The following PDE4D variants were observed in gnomAD, a reference collection of about 807,000 sequenced individuals.
The protein encoded by PDE4D is 3',5'-cyclic-AMP phosphodiesterase 4D.
A neutral mutation model predicts 87.4 loss-of-function variants in PDE4D; 24 were observed. The ratio of observed to expected loss-of-function variants is 0.27; its 90% CI spans 0.20 to 0.39. The LOEUF is 0.39. Among genes scored for constraint, PDE4D ranks in the 10% least tolerant of loss-of-function variants. The probability of loss-of-function intolerance (pLI) is 1.00; values close to 1 mark genes in which losing one functional copy is unlikely to be tolerated. For synonymous variants in PDE4D, 384 were observed against 383.2 expected (o/e 1.00, Z -0.02); for missense variants, 714 against 1,041.0 (o/e 0.69, Z 4.32).
At chr5:59,884,852 T>A (rs1317388201) in intron 1 of PDE4D, among the ~76,000 whole-genome samples, 1 of 146,360 alleles carries the variant, frequency 6.8e-6, no homozygotes, top group Non-Finnish European at 1.5e-5. Context: ...AAATGATAGA[T>A]GAAAAATTGT....
intron 2 of PDE4D, chr5:60,022,513 T>C (rs1766173192): frequency 1.3e-5 from 2 of 152,168 alleles, no homozygotes; most frequent in Non-Finnish European, 2.9e-5. Flanking sequence ...GCTCTAACTT[T>C]TTTGCTATAC....
chr5:59,424,993 C>T (rs1364943237), intron 1 of PDE4D, among the ~76,000 whole-genome samples: 2 of 152,144 alleles, frequency 1.3e-5, no homozygotes, highest in African/African-American at 4.8e-5. Context: ...TAGTCTGGAG[C>T]TACAATAATG....
intron 1 of PDE4D, among the ~76,000 whole-genome samples, chr5:59,870,707 C>A (rs1747700913): frequency 6.6e-6 from 1 of 152,156 alleles, no homozygotes; most frequent in Non-Finnish European, 1.5e-5. Context: ...TTTGGGATCA[C>A]AAACGATTTG....
Position 59,375,628 on chromosome 5 carries a change from A to G in PDE4D, c.456-159660T>C, listed in dbSNP as rs116760661. ...AGATGTACAAAGAAGAGATGGTACC[A>G]TTCCTGCTGAAACTATTCCCCAAAA... On this transcript the variant is annotated intron_variant, in intron 1 of 14. Coordinates refer to ENST00000340635, the MANE Select transcript of PDE4D (RefSeq NM_001104631.2). Among the ~76,000 whole-genome samples, 826 of 152,332 alleles carry G rather than the reference A, an allele frequency of 5.4e-3. 12 individuals carry two copies. The highest frequency in any genetic ancestry group is 0.019 in the African/African-American group (790 of 41,584).
At chr5:59,758,336 T>A (rs1251424113) in intron 1 of PDE4D, among the ~76,000 whole-genome samples, 1 of 152,222 alleles carries the variant, frequency 6.6e-6, no homozygotes, top group African/African-American at 2.4e-5. Flanking sequence ...ATCATTGACG[T>A]CTATGTTATA....
At chr5:60,238,629 G>A (rs1746701956) in intron 1 of PDE4D, among the ~76,000 whole-genome samples, 1 of 151,716 alleles carries the variant, frequency 6.6e-6, no homozygotes, top group Non-Finnish European at 1.5e-5. Flanking sequence ...GCAAATATTT[G>A]TGTGTTTATC....
At chr5:60,337,546 T>C (rs1225747559) in intron 1 of PDE4D, among the ~76,000 whole-genome samples, 1 of 151,516 alleles carries the variant, frequency 6.6e-6, no homozygotes, top group Admixed American at 6.6e-5. Flanking sequence ...CATGACTATA[T>C]GCATCTGTCA....
chr5:59,519,794 A>G (rs1220301055), intron 1 of PDE4D, among the ~76,000 whole-genome samples: 1 of 152,212 alleles, frequency 6.6e-6, no homozygotes, highest in African/African-American at 2.4e-5. Flanking sequence ...AAAACTGGTT[A>G]GGAGGGTATT....
intron 1 of PDE4D, among the ~76,000 whole-genome samples, chr5:59,296,242 T>C (rs1769066741): frequency 6.6e-6 from 1 of 151,942 alleles, no homozygotes; most frequent in Admixed American, 6.6e-5. Flanking sequence ...ATTTACTTTA[T>C]ATTTTAATAT....
At chr5:60,145,230 G>A (rs1480479193) in intron 2 of PDE4D, among the ~76,000 whole-genome samples, 1 of 152,132 alleles carries the variant, frequency 6.6e-6, no homozygotes, top group African/African-American at 2.4e-5. Context: ...GTTTAAAGAA[G>A]TTAATATATT....
At chr5:59,480,312 T>A (rs1804033592) in intron 1 of PDE4D, among the ~76,000 whole-genome samples, 1 of 152,130 alleles carries the variant, frequency 6.6e-6, no homozygotes. Flanking sequence ...AACATTATTG[T>A]TCATATACAT....
intron 2 of PDE4D, among the ~76,000 whole-genome samples, chr5:60,048,495 G>C (rs977002524): frequency 6.6e-6 from 1 of 151,980 alleles, no homozygotes; most frequent in Admixed American, 6.6e-5. Flanking sequence ...ATTTTGCAGT[G>C]GCTGGTACCA....
intron 1 of PDE4D, among the ~76,000 whole-genome samples, chr5:59,765,741 G>A (rs1762706823): frequency 6.6e-6 from 1 of 152,170 alleles, no homozygotes; most frequent in Non-Finnish European, 1.5e-5. Context: ...GGCTAGGGCA[G>A]GCTGCCTCCC....
At chr5:60,403,677 A>G (rs971316019) in intron 1 of PDE4D, among the ~76,000 whole-genome samples, 1 of 152,226 alleles carries the variant, frequency 6.6e-6, no homozygotes, top group African/African-American at 2.4e-5. Flanking sequence ...GTAAATGCCC[A>G]AAGTCTTGAA....
intron 1 of PDE4D, among the ~76,000 whole-genome samples, chr5:60,449,530 T>G (rs575393130): frequency 1.3e-5 from 2 of 148,226 alleles, no homozygotes; most frequent in African/African-American, 4.9e-5. Context: ...CACTGGGAGA[T>G]ATACCTAATG....
At chr5:59,224,543 A>C (rs762927811) in intron 1 of PDE4D, among the ~76,000 whole-genome samples, 13 of 152,128 alleles carry the variant, frequency 8.5e-5, no homozygotes, top group Non-Finnish European at 1.6e-4. Context: ...TGACACAATG[A>C]TATGATAAAA....
chr5:60,071,656 C>T (rs903618725), intron 2 of PDE4D, among the ~76,000 whole-genome samples: 4 of 152,014 alleles, frequency 2.6e-5, no homozygotes, highest in Non-Finnish European at 5.9e-5. Context: ...AAGCTTGTGT[C>T]ATGGGAGTTT....
chr5:60,464,101 T>C (rs1320046312), intron 1 of PDE4D, among the ~76,000 whole-genome samples: 2 of 152,140 alleles, frequency 1.3e-5, no homozygotes, highest in African/African-American at 2.4e-5. Context: ...TGATTCTCAA[T>C]GGAGGTCCAA....
At chr5:59,543,237 G>T (rs1373588769) in intron 1 of PDE4D, among the ~76,000 whole-genome samples, 1 of 152,152 alleles carries the variant, frequency 6.6e-6, no homozygotes, top group East Asian at 1.9e-4. Flanking sequence ...AGGAGGGAGA[G>T]AGAAAGTAGA....
Sources: allele counts gnomAD v4.1 joint callset (sites outside exome capture counted in the v4.1 genomes callset), GRCh38; gene constraint gnomAD v4.1.1; transcripts MANE v1.5; gene names NCBI Gene and HGNC (gene_info 2026-07-23, HGNC 2026-07-21).